Variants in NEK7 observed in about 807,000 individuals in gnomAD.
NEK7 encodes the protein NIMA related kinase 7.
Under a neutral mutation model 44.6 loss-of-function variants are expected in NEK7, and 18 were observed. The observed-to-expected ratio is 0.40, with a 90% confidence interval of 0.28 to 0.60. The LOEUF is 0.60. Ranked by LOEUF, NEK7 falls within the 20% of genes least tolerant of loss-of-function variation. NEK7 has a pLI of 0.38. For synonymous variants in NEK7, 130 were observed against 121.1 expected (o/e 1.07, Z -0.48); for missense variants, 256 against 366.5 (o/e 0.70, Z 2.46).
chr1:198,282,728 G>A (rs1431251400), intron 7 of NEK7, among the ~76,000 whole-genome samples: 4 of 152,054 alleles, frequency 2.6e-5, no homozygotes, highest in African/African-American at 4.8e-5. Context: ...AAAGAAAGGG[G>A]GAAGTGGAAA....
At chr1:198,286,251 C>T (rs995676688) in intron 7 of NEK7, among the ~76,000 whole-genome samples, 2 of 152,120 alleles carry the variant, frequency 1.3e-5, no homozygotes, top group African/African-American at 4.8e-5. Flanking sequence ...CTGTCAGTGA[C>T]CAAGCCAGAG....
At chr1:198,228,547 A>G (rs935022832) in intron 1 of NEK7, among the ~76,000 whole-genome samples, 20 of 151,832 alleles carry the variant, frequency 1.3e-4, no homozygotes, top group Non-Finnish European at 2.1e-4. Context: ...ATTTCATTGA[A>G]CAGTGGTTTG....
chr1:198,286,626 C>T (rs749332757), intron 7 of NEK7, among the ~76,000 whole-genome samples: 29 of 152,120 alleles, frequency 1.9e-4, no homozygotes, highest in Non-Finnish European at 2.9e-4. Flanking sequence ...ACAACAGAAA[C>T]GTATTATTTT....
At chr1:198,252,867 C>G (rs1486818265) in intron 2 of NEK7, among the ~76,000 whole-genome samples, 173 bp from the exon 3 acceptor site, 2 of 151,756 alleles carry the variant, frequency 1.3e-5, no homozygotes, top group Non-Finnish European at 2.9e-5. Flanking sequence ...GCTACTGTAT[C>G]GTCAGTGTGT....
intron 2 of NEK7, among the ~76,000 whole-genome samples, chr1:198,244,473 T>G (rs1259461114): frequency 6.6e-6 from 1 of 152,156 alleles, no homozygotes; most frequent in Non-Finnish European, 1.5e-5. Flanking sequence ...TCTGCACCTG[T>G]GAAAATATGA....
At chr1:198,172,367 G>T (rs916986353) in intron 1 of NEK7, among the ~76,000 whole-genome samples, 1 of 152,170 alleles carries the variant, frequency 6.6e-6, no homozygotes, top group African/African-American at 2.4e-5. Flanking sequence ...TTCCTGCCTT[G>T]TTGAGGACAA....
intron 2 of NEK7, among the ~76,000 whole-genome samples, chr1:198,237,164 A>G (rs1478041257): frequency 1.3e-5 from 2 of 152,016 alleles, no homozygotes; most frequent in African/African-American, 4.8e-5. Context: ...TGGTCCCTCT[A>G]TTGATTTCTT....
intron 5 of NEK7, among the ~76,000 whole-genome samples, chr1:198,265,850 A>C (rs543588280): frequency 6.6e-6 from 1 of 152,128 alleles, no homozygotes; most frequent in African/African-American, 2.4e-5. Flanking sequence ...AGATGGATGG[A>C]TATGTGTACA....
chr1:198,254,027 C>T (rs1040789587), intron 3 of NEK7, among the ~76,000 whole-genome samples: 1 of 152,094 alleles, frequency 6.6e-6, no homozygotes, highest in Admixed American at 6.6e-5. Flanking sequence ...TGCTTTGCAA[C>T]TCTTTTATCT....
chr1:198,201,613 C>T (rs985534522), intron 1 of NEK7, among the ~76,000 whole-genome samples: 1 of 152,162 alleles, frequency 6.6e-6, no homozygotes, highest in Non-Finnish European at 1.5e-5. Context: ...TAGAATCCAT[C>T]ATTAATATTC....
chr1:198,290,922 A>G (rs1398240276), intron 7 of NEK7, among the ~76,000 whole-genome samples: 1 of 152,174 alleles, frequency 6.6e-6, no homozygotes, highest in African/African-American at 2.4e-5. Context: ...ATTTTTGTAC[A>G]TTAACATTTT....
chr1:198,237,528 G>T (rs974616775), intron 2 of NEK7, among the ~76,000 whole-genome samples: 1 of 151,904 alleles, frequency 6.6e-6, no homozygotes, highest in East Asian at 1.9e-4. Flanking sequence ...CTATTTCTCT[G>T]GTCTCATACT....
intron 1 of NEK7, among the ~76,000 whole-genome samples, chr1:198,210,265 T>G (rs550099701): frequency 1.3e-5 from 2 of 152,256 alleles, no homozygotes; most frequent in East Asian, 3.9e-4. Flanking sequence ...AGCTGTTTTG[T>G]GTGTGTGATG....
rs1409860899 is a variant in NEK7 at position 198,250,938 on chromosome 1, T to A, written c.58-2102T>A. On this transcript the variant is annotated intron_variant, in intron 2 of 9. Transcript: ENST00000367385. ...CTATGTTGAATATGAGTGGTGAGAG[T>A]GGGCATCCCTGTCTTGTGCCCGTTT... Among the ~76,000 whole-genome samples the A allele has an allele frequency of 4.4e-4, 67 of 152,124 alleles. 1 individual carries two copies. The highest frequency in any genetic ancestry group is 5.8e-4 in the East Asian group (3 of 5,178).
chr1:198,250,563 T>C (rs1213865609), intron 2 of NEK7, among the ~76,000 whole-genome samples: 2 of 140,396 alleles, frequency 1.4e-5, no homozygotes, highest in African/African-American at 5.4e-5. Context: ...CCTTGAGCAG[T>C]GGTTTGTAGT....
intron 1 of NEK7, among the ~76,000 whole-genome samples, chr1:198,173,820 C>T (rs1236896597): frequency 1.3e-5 from 2 of 151,908 alleles, no homozygotes; most frequent in Non-Finnish European, 2.9e-5. Context: ...TATAGAACAT[C>T]GTAGATAGCT....
rs1288979254 is a variant in NEK7 at position 198,271,674 on chromosome 1, CT to C, written c.373-6284del. 7.9e-5 allele frequency among the ~76,000 whole-genome samples: 12 copies of C among 151,958 alleles called. No homozygotes were observed. In the South Asian group the frequency reaches 2.5e-3, roughly 32 times the overall value. ...TTTATTGTTTACCAGGATACCCACA[CT>C]TTCCATTTCAGCATCTGGACAAAGT... On this transcript the variant is annotated intron_variant, in intron 5 of 9. Coordinates refer to ENST00000367385, the MANE Select transcript of NEK7 (RefSeq NM_133494.3).
chr1:198,213,862 G>A (rs1049230188), intron 1 of NEK7, among the ~76,000 whole-genome samples: 2 of 152,034 alleles, frequency 1.3e-5, no homozygotes, highest in African/African-American at 4.8e-5. Context: ...TTTACCCATG[G>A]GCATGTCCTA....
chr1:198,293,139 A>G, intron 8 of NEK7, 100 bp downstream of exon 8: 1 of 632,414 alleles, frequency 1.6e-6, no homozygotes, highest in Middle Eastern at 3.7e-4. Context: ...ATGTTTAAGA[A>G]TCACCTTTTT....
Sources: allele counts gnomAD v4.1 joint callset (sites outside exome capture counted in the v4.1 genomes callset), GRCh38; gene constraint gnomAD v4.1.1; transcripts MANE v1.5; gene names NCBI Gene and HGNC (gene_info 2026-07-23, HGNC 2026-07-21).